The following PYGB variants were observed in gnomAD, a reference collection of about 807,000 sequenced individuals.
PYGB encodes glycogen phosphorylase B.
PYGB carries 82 observed loss-of-function variants against 94.3 expected under a neutral mutation model. That is an observed-to-expected ratio of 0.87 (90% CI 0.73 to 1.04). The LOEUF (loss-of-function observed/expected upper bound fraction) is 1.04, where lower values mean the gene tolerates loss of function less well. Among genes scored for constraint, PYGB ranks in the 50% least tolerant of loss-of-function variants. The pLI, the probability that PYGB is intolerant of heterozygous loss-of-function variation, is 0.00. For synonymous variants in PYGB, 488 were observed against 479.1 expected (o/e 1.02, Z -0.24); for missense variants, 1,132 against 1,158.2 (o/e 0.98, Z 0.33).
intron 13 of PYGB, among the ~76,000 whole-genome samples, chr20:25,283,680 G>A (rs2088390209): frequency 1.3e-5 from 2 of 152,238 alleles, no homozygotes; most frequent in African/African-American, 4.8e-5. Context: ...GCTAGACCAG[G>A]GCCAGTCACG....
chr20:25,249,118 A>G (rs1200446856), intron 1 of PYGB, among the ~76,000 whole-genome samples: 2 of 152,232 alleles, frequency 1.3e-5, no homozygotes, highest in African/African-American at 2.4e-5. Flanking sequence ...TAGTGAAACA[A>G]AGTCACTGAT....
intron 6 of PYGB, 95 bp from the exon 7 acceptor site, chr20:25,277,149 C>T (rs940288240): frequency 1.5e-5 from 15 of 969,570 alleles, no homozygotes; most frequent in East Asian, 2.4e-5. Flanking sequence ...TGTGCTCGAG[C>T]GAGTTTCCTT....
intron 15 of PYGB, 77 bp from the exon 16 acceptor site, chr20:25,290,404 A>G: frequency 6.5e-7 from 1 of 1,543,284 alleles, no homozygotes; most frequent in East Asian, 2.3e-5. Flanking sequence ...CCCCCTACAG[A>G]CCCCAGGAAC....
rs199949786 is a variant in PYGB, at chr20:25,280,367, G to A, written c.1194G>A (p.Pro398=). The change falls in exon 10 of 20, where the codon CCG becomes CCA. Residue 398 remains proline, a synonymous_variant. Transcript: ENST00000216962. ...WPVSMFEKLL[P]RHLEIIYAIN... is the part of the protein sequence containing the mutation. Reference sequence around the variant, plus strand: ...TGTCCATGTTTGAGAAGCTGCTGCCGCGGCACCTGGAGATAATCTATGCCA... The same window carrying A: ...TGTCCATGTTTGAGAAGCTGCTGCCACGGCACCTGGAGATAATCTATGCCA... 2.9e-4 allele frequency: 471 copies of A among 1,614,066 alleles called. No homozygotes were observed. The highest frequency in any genetic ancestry group is 3.6e-4 in the Non-Finnish European group (427 of 1,180,010).
rs1555806053 is a variant in PYGB, at chr20:25,268,162, C to CCG, written c.346-966_346-965insGC. On this transcript the variant is annotated intron_variant, in intron 2 of 19. Coordinates refer to ENST00000216962, the MANE Select transcript of PYGB (RefSeq NM_002862.4). ...ATTATTGAGTAAATCCTAGCACCCG[C>CCG]CCCCCCCCCATATCCAAAATATTGT... Among the ~76,000 whole-genome samples the CCG allele has an allele frequency of 9.9e-4, 7 of 7,098 alleles. No individual in the cohort carries two copies. In the Admixed American group the frequency reaches 0.02, roughly 21 times the overall value. 4.7% of individuals were successfully genotyped at this position (7,098 alleles called of 152,430 possible). A position where few individuals can be genotyped will look rare whatever the true frequency, so the allele number is the denominator to read the frequency against.
At chr20:25,267,206 A>G (rs1489095336) in intron 2 of PYGB, among the ~76,000 whole-genome samples, 1 of 152,194 alleles carries the variant, frequency 6.6e-6, no homozygotes, top group Non-Finnish European at 1.5e-5. Flanking sequence ...AAGCTTGAAA[A>G]CATGCTTATT....
At chr20:25,295,881 T>TGGCCAAGAAA (rs1037645696) in intron 19 of PYGB, among the ~76,000 whole-genome samples, 1 of 152,190 alleles carries the variant, frequency 6.6e-6, no homozygotes, top group African/African-American at 2.4e-5. Context: ...CAGCTCCTAA[T>TGGCCAAGAAA]GGCCAAGAAA....
At chr20:25,254,063 C>G (rs1170979885) in intron 1 of PYGB, among the ~76,000 whole-genome samples, 2 of 111,886 alleles carry the variant, frequency 1.8e-5, no homozygotes, top group Non-Finnish European at 3.6e-5. Context: ...CGGAGCGAGA[C>G]TCTGTCTCAA....
chr20:25,272,656 G>T (rs868346169), intron 4 of PYGB, among the ~76,000 whole-genome samples: 1 of 152,174 alleles, frequency 6.6e-6, no homozygotes, highest in African/African-American at 2.4e-5. Context: ...AACCTAAAAC[G>T]GACTCGGATC....
chr20:25,289,646 C>CA (rs879408974), intron 15 of PYGB, among the ~76,000 whole-genome samples: 214 of 144,338 alleles, frequency 1.5e-3, no homozygotes, highest in African/African-American at 4.8e-3. Context: ...CCTGTCTCAG[C>CA]AAAAAAAAGA....
At chr20:25,268,166 C>CCCCCCCG (rs1555806037) in intron 2 of PYGB, among the ~76,000 whole-genome samples, 2 of 83,308 alleles carry the variant, frequency 2.4e-5, no homozygotes, top group Non-Finnish European at 4.1e-5. Flanking sequence ...CACCCGCCCC[C>CCCCCCCG]CCCCCATATC....
At chr20:25,261,204 A>T (rs1900037867) in intron 2 of PYGB, among the ~76,000 whole-genome samples, 2 of 152,246 alleles carry the variant, frequency 1.3e-5, no homozygotes, top group Admixed American at 6.5e-5. Flanking sequence ...ACCCCCGAGT[A>T]GCCTACCTAA....
chr20:25,263,792 G>C (rs947601636), intron 2 of PYGB, among the ~76,000 whole-genome samples: 2 of 152,174 alleles, frequency 1.3e-5, no homozygotes, highest in African/African-American at 4.8e-5. Flanking sequence ...ATAATTAATA[G>C]CCTAGCAACC....
chr20:25,266,897 A>G (rs755174081), intron 2 of PYGB, among the ~76,000 whole-genome samples: 1 of 152,260 alleles, frequency 6.6e-6, no homozygotes, highest in Non-Finnish European at 1.5e-5. Context: ...GTGACTGTCA[A>G]ATCTTGCAGT....
Position 25,282,117 on chromosome 20 carries a change from C to T in PYGB, c.1488C>T (p.Cys496=). The T allele has an allele frequency of 6.2e-7, 1 of 1,613,354 alleles. No individual in the cohort carries two copies. Among genetic ancestry groups the T allele is most frequent in the East Asian group, 2.2e-5 (1 of 44,848 alleles). Residue 496 remains cysteine (C), a synonymous_variant, in exon 12 of 20, where the codon TGC becomes TGT. Coordinates refer to ENST00000216962, the MANE Select transcript of PYGB (RefSeq NM_002862.4). ...CCCCCCGCCGGTGGCTGCTGCTGTG[C>T]AACCCGGGGCTGGCCGATACCATCG... ...GITPRRWLLL[C]NPGLADTIVE... is the part of the protein sequence containing the mutation.
chr20:25,271,159 C>G (rs188721091), intron 3 of PYGB, among the ~76,000 whole-genome samples: 47 of 151,878 alleles, frequency 3.1e-4, no homozygotes, highest in Admixed American at 1.8e-3. Flanking sequence ...ATTCTTCATC[C>G]CCCCCCATCC....
chr20:25,278,148 G>T (rs541450848), intron 7 of PYGB, among the ~76,000 whole-genome samples, 171 bp from the exon 8 acceptor site: 54 of 152,228 alleles, frequency 3.5e-4, no homozygotes, highest in Non-Finnish European at 7.1e-4. Flanking sequence ...CACAGGCGGG[G>T]TTACCTTCCT....
intron 9 of PYGB, among the ~76,000 whole-genome samples, chr20:25,279,352 G>T (rs557081985): frequency 1.3e-5 from 2 of 152,212 alleles, no homozygotes; most frequent in South Asian, 2.1e-4. Context: ...GTCAGGGCGC[G>T]GGGGAGATGA....
chr20:25,280,906 G>C, intron 10 of PYGB, 43 bp from the exon 11 acceptor site: 1 of 1,603,290 alleles, frequency 6.2e-7, no homozygotes, highest in Non-Finnish European at 8.5e-7. Context: ...GTCTCCGTGG[G>C]GCCTCCTGTG....
Sources: gnomAD v4.1 joint callset for allele counts (sites outside exome capture counted in the v4.1 genomes callset) on GRCh38, gnomAD v4.1.1 for gene constraint, MANE v1.5 for transcripts, NCBI Gene and HGNC (gene_info 2026-07-23, HGNC 2026-07-21) for gene names.